Variants in HGSNAT observed in about 807,000 individuals in gnomAD.
HGSNAT encodes heparan-alpha-glucosaminide N-acetyltransferase, also known as transmembrane protein 76.
A neutral mutation model predicts 85.2 loss-of-function variants in HGSNAT; 59 were observed. The ratio of observed to expected loss-of-function variants is 0.69; its 90% CI spans 0.56 to 0.86. The LOEUF is 0.86. Ranked by LOEUF, HGSNAT falls within the 40% of genes least tolerant of loss-of-function variation. The pLI is 0.00. For missense variants in HGSNAT, 756 were observed against 777.1 expected, an observed-to-expected ratio of 0.97 and a Z score of 0.32; for synonymous variants, 321 against 304.5, an observed-to-expected ratio of 1.05 and a Z score of -0.56.
chr8:43,145,641 C>T (rs1277609125), intron 1 of HGSNAT, among the ~76,000 whole-genome samples: 1 of 152,022 alleles, frequency 6.6e-6, no homozygotes, highest in African/African-American at 2.4e-5. Context: ...GTCCCAGCTA[C>T]TCAGGAGGCT....
At chr8:43,199,332 GT>G in intron 17 of HGSNAT, 55 bp from the exon 18 acceptor site, 1 of 1,239,810 alleles carries the variant, frequency 8.1e-7, no homozygotes. Flanking sequence ...TAAATAGATG[GT>G]TAGATGTGAC....
intron 17 of HGSNAT, among the ~76,000 whole-genome samples, chr8:43,198,318 T>C (rs922685424): frequency 6.8e-6 from 1 of 147,474 alleles, no homozygotes; most frequent in Non-Finnish European, 1.5e-5. Flanking sequence ...GACAGAGTCT[T>C]GCTCTGTTGC....
Position 43,197,820 on chromosome 8 carries a change from G to A in HGSNAT, c.1614-20G>A, listed in dbSNP as rs369901048. ...ATTTGTTCCGTACGAGCACTGAAAC[G>A]TCTCCTCCACCCCTCCCAGGTCCCT... On this transcript the variant is annotated intron_variant, in intron 16 of 17. Coordinates refer to ENST00000379644, the MANE Select transcript of HGSNAT (RefSeq NM_152419.3). 1.4e-5 allele frequency: 23 copies of A among 1,606,386 alleles called. No individual in the cohort carries two copies. The highest frequency in any genetic ancestry group is 1.8e-5 in the Non-Finnish European group (21 of 1,172,908).
chr8:43,153,857 G>A (rs1802999844), intron 2 of HGSNAT, among the ~76,000 whole-genome samples: 1 of 152,158 alleles, frequency 6.6e-6, no homozygotes, highest in Non-Finnish European at 1.5e-5. Flanking sequence ...GCTTATCCAT[G>A]TTGCTGCAAA....
At chr8:43,178,588 A>G (rs1179797062) in intron 10 of HGSNAT, among the ~76,000 whole-genome samples, 2 of 142,208 alleles carry the variant, frequency 1.4e-5, no homozygotes, top group African/African-American at 5.3e-5. Flanking sequence ...TGATTTCATC[A>G]GCTTTCTTTT....
intron 5 of HGSNAT, among the ~76,000 whole-genome samples, chr8:43,164,269 A>G (rs1223381512): frequency 6.6e-6 from 1 of 152,220 alleles, no homozygotes; most frequent in African/African-American, 2.4e-5. Flanking sequence ...ATGGAGGTCC[A>G]TTATTCAGGC....
Position 43,169,261 on chromosome 8 carries a change from A to G in HGSNAT, c.633+19A>G. On this transcript the variant is annotated intron_variant, in intron 6 of 17. Transcript: ENST00000379644. ...CAATTCTGTAAGTTATGAGATGCAT[A>G]GTGTATTGCCCAGGTGGTTTTCTAA... The G allele has an allele frequency of 1.3e-6, 2 of 1,491,348 alleles. No individual in the cohort carries two copies. Among genetic ancestry groups the G allele is most frequent in the Non-Finnish European group, 1.8e-6 (2 of 1,085,732 alleles). The allele number at this position is 1,491,348 out of a possible 1,614,324, so 92.4% of individuals were successfully genotyped here. A position where few individuals can be genotyped will look rare whatever the true frequency, so the allele number is the denominator to read the frequency against.
rs1804882015 is a variant in HGSNAT at position 43,200,464 on chromosome 8, G to A, written c.*895G>A. On this transcript the variant is annotated 3_prime_UTR_variant, in exon 18 of 18. Coordinates refer to ENST00000379644, the MANE Select transcript of HGSNAT (RefSeq NM_152419.3). ...ACCTCTTAGACATGGTGAGGTAACA[G>A]ACATCAAAAGCTTTTCTGAAATCTT... The A allele has an allele frequency of 1.3e-5, 2 of 152,344 alleles. No individual in the cohort carries two copies. Among genetic ancestry groups the A allele is most frequent in the Middle Eastern group, 3.4e-3 (1 of 294 alleles). 9.4% of individuals were successfully genotyped at this position (152,344 alleles called of 1,614,324 possible).
intron 2 of HGSNAT, among the ~76,000 whole-genome samples, chr8:43,148,174 G>A (rs1289437412): frequency 6.6e-6 from 1 of 151,850 alleles, no homozygotes; most frequent in East Asian, 1.9e-4. Context: ...CCCAGGAGGT[G>A]GAGGTTGCAG....
At chr8:43,181,955 T>C (rs1586740051) in intron 10 of HGSNAT, 190 bp from the exon 11 acceptor site, 6 of 600,398 alleles carry the variant, frequency 1.0e-5, no homozygotes, top group Non-Finnish European at 1.8e-5. Context: ...TTAAGAGGGA[T>C]TGGCCTGTTT....
At chr8:43,164,800 T>C (rs1462727273) in intron 5 of HGSNAT, among the ~76,000 whole-genome samples, 1 of 151,922 alleles carries the variant, frequency 6.6e-6, no homozygotes, top group African/African-American at 2.4e-5. Flanking sequence ...AAAAATAAAG[T>C]GAGAGACATG....
intron 5 of HGSNAT, among the ~76,000 whole-genome samples, chr8:43,165,846 G>A (rs527423985): frequency 6.6e-6 from 1 of 152,324 alleles, no homozygotes; most frequent in Non-Finnish European, 1.5e-5. Flanking sequence ...TGAGGCAGGA[G>A]AATTGCTTGA....
At chr8:43,176,950 G>A (rs1224955953) in intron 9 of HGSNAT, among the ~76,000 whole-genome samples, 1 of 152,188 alleles carries the variant, frequency 6.6e-6, no homozygotes, top group Admixed American at 6.5e-5. Flanking sequence ...TTCTGGTGGA[G>A]TCTAGGTTTT....
At chr8:43,175,557 C>CTTTTTTTTTTTTTT (rs572939859) in intron 9 of HGSNAT, among the ~76,000 whole-genome samples, 2 of 63,128 alleles carry the variant, frequency 3.2e-5, no homozygotes, top group Non-Finnish European at 3.1e-5. Context: ...CTTTTGTCCT[C>CTTTTTTTTTTTTTT]TTTTTTTTTT....
chr8:43,146,910 T>C (rs200529972), intron 1 of HGSNAT, 38 bp from the exon 2 acceptor site: 6,405 of 164,534 alleles, frequency 0.039, 14 homozygotes, highest in Non-Finnish European at 0.061. Flanking sequence ...TTCGGGTGCC[T>C]TTTTTTTTTT....
Position 43,147,023 on chromosome 8 carries a change from C to T in HGSNAT, c.194C>T (p.Thr65Ile). ...CTCATCCATAATGAACTTCTCTGGA[C>T]CAACTTGACCGTCTACTGGAAATCT... is the stretch of plus-strand genomic sequence containing the variant. ...LLLIHNELLWTNLTVYWKSEC... is the reference protein window; with the variant it reads ...LLLIHNELLWINLTVYWKSEC... The change falls in exon 2 of 18, where the codon ACC becomes ATC. Residue 65 changes from threonine to isoleucine, a missense_variant. Transcript: ENST00000379644. The T allele has an allele frequency of 6.2e-7, 1 of 1,607,908 alleles. No individual in the cohort carries two copies. Among genetic ancestry groups the T allele is most frequent in the South Asian group, 1.1e-5 (1 of 89,244 alleles).
At chr8:43,172,465 TC>T in intron 8 of HGSNAT, 79 bp downstream of exon 8, 1 of 1,071,136 alleles carries the variant, frequency 9.3e-7, no homozygotes. Flanking sequence ...CTCAGCATTC[TC>T]CCCAGAAACT....
intron 2 of HGSNAT, among the ~76,000 whole-genome samples, chr8:43,156,928 G>T (rs910766455): frequency 1.3e-5 from 2 of 151,856 alleles, no homozygotes; most frequent in Non-Finnish European, 2.9e-5. Context: ...GGAGTCTCTT[G>T]TAGGCAGCAT....
chr8:43,148,108 G>A (rs960062152), intron 2 of HGSNAT, among the ~76,000 whole-genome samples: 21 of 152,008 alleles, frequency 1.4e-4, no homozygotes, highest in Non-Finnish European at 2.6e-4. Flanking sequence ...GGGCATGGTG[G>A]CACATGACTT....
Sources: gnomAD v4.1 joint callset for allele counts (sites outside exome capture counted in the v4.1 genomes callset) on GRCh38, gnomAD v4.1.1 for gene constraint, MANE v1.5 for transcripts, NCBI Gene and HGNC (gene_info 2026-07-23, HGNC 2026-07-21) for gene names.